The following DLGAP2 variants were observed in gnomAD, a reference collection of about 807,000 sequenced individuals.
DLGAP2 encodes the protein DLG associated protein 2.
DLGAP2 carries 26 observed loss-of-function variants against 100.3 expected under a neutral mutation model. The ratio of observed to expected loss-of-function variants is 0.26; its 90% CI spans 0.19 to 0.36. DLGAP2 has a LOEUF of 0.36. DLGAP2 is among the 10% of genes least tolerant of loss of function. DLGAP2 has a pLI of 1.00. For synonymous variants in DLGAP2, 886 were observed against 630.1 expected (o/e 1.41, Z -6.08); for missense variants, 1,858 against 1,453.2 (o/e 1.28, Z -4.53).
At chr8:1,316,516 C>T (rs199890539) in intron 3 of DLGAP2, among the ~76,000 whole-genome samples, 1 of 114,268 alleles carries the variant, frequency 8.8e-6, no homozygotes, top group Non-Finnish European at 1.9e-5. Flanking sequence ...GTGGTCTACA[C>T]TCGAGACACT....
intron 2 of DLGAP2, among the ~76,000 whole-genome samples, chr8:1,155,876 C>T (rs1245511150): frequency 6.6e-6 from 1 of 152,114 alleles, no homozygotes; most frequent in East Asian, 1.9e-4. Context: ...GAAGGACGCG[C>T]TGTCTGCATC....
chr8:1,037,265 C>T (rs551567333), intron 2 of DLGAP2, among the ~76,000 whole-genome samples: 2 of 152,202 alleles, frequency 1.3e-5, no homozygotes, highest in Admixed American at 6.5e-5. Context: ...CTTTCTCTCT[C>T]TGTTATCACC....
intron 4 of DLGAP2, among the ~76,000 whole-genome samples, chr8:1,523,130 G>A (rs757429041): frequency 3.9e-5 from 6 of 152,166 alleles, no homozygotes; most frequent in Admixed American, 6.5e-5. Context: ...TTCACGCCAC[G>A]CGTATGATAA....
At chr8:1,275,124 A>G (rs1799656740) in intron 3 of DLGAP2, among the ~76,000 whole-genome samples, 1 of 152,172 alleles carries the variant, frequency 6.6e-6, no homozygotes, top group Non-Finnish European at 1.5e-5. Context: ...CACTGGCTCA[A>G]TGTCATGGTC....
chr8:1,285,667 C>A (rs542693874), intron 3 of DLGAP2, among the ~76,000 whole-genome samples: 1 of 152,280 alleles, frequency 6.6e-6, no homozygotes, highest in South Asian at 2.1e-4. Context: ...AAGTGATAGG[C>A]CATAAATACA....
At chr8:1,616,287 A>T (rs2977209) in intron 6 of DLGAP2, among the ~76,000 whole-genome samples, 44,091 of 152,150 alleles carry the variant, frequency 0.29, 6,878 homozygotes, top group East Asian at 0.49. Flanking sequence ...ACACACATAT[A>T]ATTAGAGAAC....
intron 12 of DLGAP2, chr8:1,680,422 G>A (rs1199828438): frequency 6.6e-6 from 1 of 152,230 alleles, no homozygotes; most frequent in African/African-American, 2.4e-5. Flanking sequence ...TCAATGGCGT[G>A]CTGATTTTTT....
At chr8:1,288,217 G>GTTCT (rs1799984337) in intron 3 of DLGAP2, among the ~76,000 whole-genome samples, 2 of 98,420 alleles carry the variant, frequency 2.0e-5, no homozygotes, top group Non-Finnish European at 2.0e-5. Flanking sequence ...GTGTGTGTGT[G>GTTCT]GTTAGGAGGG....
intron 1 of DLGAP2, among the ~76,000 whole-genome samples, chr8:901,500 G>A (rs1248963851): frequency 6.6e-6 from 1 of 152,230 alleles, no homozygotes; most frequent in African/African-American, 2.4e-5. Context: ...TGAGTGTGAG[G>A]GGCAGAGGCA....
intron 3 of DLGAP2, among the ~76,000 whole-genome samples, chr8:1,501,017 T>G (rs2286216): frequency 1.3e-5 from 2 of 151,886 alleles, no homozygotes; most frequent in Admixed American, 6.5e-5. Context: ...CGGGGAAAAT[T>G]AGAGTGGACT....
intron 3 of DLGAP2, among the ~76,000 whole-genome samples, chr8:1,432,886 C>T (rs2158787): frequency 0.079 from 12,017 of 152,202 alleles, 876 homozygotes; most frequent in East Asian, 0.36. Flanking sequence ...GAGCTGGGGG[C>T]GTCCCCAGAG....
rs138359442 is a variant in DLGAP2, at chr8:1,451,804, G to A, written c.107-49562G>A. Among the ~76,000 whole-genome samples, 638 of 152,258 alleles carry A rather than the reference G, an allele frequency of 4.2e-3. 2 individuals are homozygous for A. Among genetic ancestry groups the A allele is most frequent in the African/African-American group, 0.013 (560 of 41,552 alleles). Reference sequence around the variant, plus strand: ...AGGCCACAACATTCTCCCAACGTCCGGATATCCCACTAGGTAGCTGGCCCA... The same window carrying A: ...AGGCCACAACATTCTCCCAACGTCCAGATATCCCACTAGGTAGCTGGCCCA... On this transcript the variant is annotated intron_variant, in intron 3 of 14. Coordinates refer to ENST00000637795, the MANE Select transcript of DLGAP2 (RefSeq NM_001346810.2).
At chr8:1,046,117 A>C (rs1211474042) in intron 2 of DLGAP2, among the ~76,000 whole-genome samples, 1 of 152,214 alleles carries the variant, frequency 6.6e-6, no homozygotes, top group Non-Finnish European at 1.5e-5. Context: ...CCAGTAAATT[A>C]GTGGTAAATA....
intron 2 of DLGAP2, among the ~76,000 whole-genome samples, chr8:1,206,530 A>C (rs13254576): frequency 0.011 from 423 of 39,082 alleles, 13 homozygotes; most frequent in African/African-American, 0.06. Context: ...CCATCCGTGG[A>C]CTGGGGTAGA....
chr8:750,007 A>G (rs2132571494), intron 1 of DLGAP2, among the ~76,000 whole-genome samples: 1 of 152,320 alleles, frequency 6.6e-6, no homozygotes, highest in African/African-American at 2.4e-5. Context: ...AGCAGGACAC[A>G]TGTGAGTGCG....
Position 1,549,281 on chromosome 8 carries a change from G to C in DLGAP2, c.828G>C (p.Lys276Asn). Residue 276 changes from lysine to asparagine, a missense_variant, in exon 5 of 15, where the codon AAG becomes AAC. Physicochemically the swap from Lys to Asn is moderately conservative, Grantham distance 94 (BLOSUM62 0). Coordinates refer to ENST00000637795, the MANE Select transcript of DLGAP2 (RefSeq NM_001346810.2). ...ACGCCCACCACGCCAAGCACAGCAA[G>C]AGGAGCAAGAGCAAGGAGCGCAAGC... The part of the protein sequence containing the change: ...HHHAHHAKHS[K>N]RSKSKERKPE... 1 of 1,611,998 alleles carries C rather than the reference G, an allele frequency of 6.2e-7. No homozygotes were observed. Among genetic ancestry groups the C allele is most frequent in the East Asian group, 2.2e-5 (1 of 44,838 alleles).
intron 2 of DLGAP2, among the ~76,000 whole-genome samples, chr8:1,254,166 C>A (rs1161606120): frequency 6.6e-6 from 1 of 152,172 alleles, no homozygotes; most frequent in Admixed American, 6.5e-5. Context: ...CAGATCCCAC[C>A]CTTGCAGGTC....
At chr8:859,059 T>C (rs1401284630) in intron 1 of DLGAP2, among the ~76,000 whole-genome samples, 1 of 152,124 alleles carries the variant, frequency 6.6e-6, no homozygotes, top group Non-Finnish European at 1.5e-5. Flanking sequence ...ACATCGACAT[T>C]CTTATTTTAT....
intron 3 of DLGAP2, among the ~76,000 whole-genome samples, chr8:1,359,875 C>T (rs62487413): frequency 0.091 from 13,839 of 152,268 alleles, 972 homozygotes; most frequent in East Asian, 0.35. Context: ...TTTTTCTGTC[C>T]ATAAATTTGT....
Sources: allele counts gnomAD v4.1 joint callset (sites outside exome capture counted in the v4.1 genomes callset), GRCh38; gene constraint gnomAD v4.1.1; transcripts MANE v1.5; gene names NCBI Gene and HGNC (gene_info 2026-07-23, HGNC 2026-07-21).